Variants in NBEA observed in about 807,000 individuals in gnomAD.
NBEA encodes the protein neurobeachin, also known as lysosomal-trafficking regulator 2.
Under a neutral mutation model 343.4 loss-of-function variants are expected in NBEA, and 44 were observed. That is an observed-to-expected ratio of 0.13 (90% confidence interval 0.10 to 0.16). The LOEUF is 0.16. Ranked by LOEUF, NBEA falls within the 10% of genes least tolerant of loss-of-function variation. The pLI is 1.00. For synonymous variants in NBEA, 1,175 were observed against 1,238.7 expected (o/e 0.95, Z 1.08); for missense variants, 2,555 against 3,631.3 (o/e 0.70, Z 7.62).
chr13:35,118,536 A>G (rs2066622400), intron 16 of NBEA, 62 bp downstream of exon 16: 1 of 1,188,942 alleles, frequency 8.4e-7, no homozygotes, highest in African/African-American at 1.5e-5. Flanking sequence ...TCCTCCTAGA[A>G]TAACTGCTAT....
chr13:35,611,343 T>C (rs1184916903), intron 48 of NBEA, among the ~76,000 whole-genome samples: 1 of 152,208 alleles, frequency 6.6e-6, no homozygotes, highest in African/African-American at 2.4e-5. Flanking sequence ...TATTATGAAG[T>C]ACTAGTTAGC....
At chr13:35,527,145 C>T (rs2078016793) in intron 41 of NBEA, among the ~76,000 whole-genome samples, 1 of 152,112 alleles carries the variant, frequency 6.6e-6, no homozygotes, top group Admixed American at 6.5e-5. Context: ...CAGCCCTTAG[C>T]AGAGAGGAGA....
intron 17 of NBEA, among the ~76,000 whole-genome samples, chr13:35,123,947 TATGCTTAC>T (rs1459995652): frequency 6.6e-6 from 1 of 152,112 alleles, no homozygotes; most frequent in African/African-American, 2.4e-5. Flanking sequence ...GAGTTGATCT[TATGCTTAC>T]ATGCTGAGTC....
At chr13:35,546,767 C>A (rs1175354911) in intron 41 of NBEA, among the ~76,000 whole-genome samples, 1 of 151,992 alleles carries the variant, frequency 6.6e-6, no homozygotes, top group South Asian at 2.1e-4. Context: ...ATTGGCCAGG[C>A]TGGTCTCGAA....
chr13:34,996,575 A>G (rs1422764651), intron 1 of NBEA, among the ~76,000 whole-genome samples: 4 of 152,126 alleles, frequency 2.6e-5, no homozygotes, highest in South Asian at 4.1e-4. Flanking sequence ...TTTTACATCT[A>G]TCTATTGAGT....
intron 37 of NBEA, among the ~76,000 whole-genome samples, chr13:35,349,988 A>G (rs2152863722): frequency 6.6e-6 from 1 of 152,220 alleles, no homozygotes; most frequent in Middle Eastern, 3.4e-3. Context: ...ACAAGCAGCC[A>G]CTTGTCTTGT....
intron 1 of NBEA, among the ~76,000 whole-genome samples, chr13:35,001,474 G>A (rs926610102): frequency 1.3e-5 from 2 of 152,076 alleles, no homozygotes; most frequent in Non-Finnish European, 2.9e-5. Flanking sequence ...TGTGCACAAT[G>A]GAATACTATT....
intron 53 of NBEA, 68 bp from the exon 54 acceptor site, chr13:35,654,787 C>T (rs1220545111): frequency 1.5e-6 from 2 of 1,301,250 alleles, no homozygotes; most frequent in Non-Finnish European, 1.0e-6. Context: ...TATTGTTTTC[C>T]TTCTTTGAGT....
At chr13:35,390,515 A>T (rs1219140334) in intron 38 of NBEA, among the ~76,000 whole-genome samples, 1 of 152,224 alleles carries the variant, frequency 6.6e-6, no homozygotes, top group Non-Finnish European at 1.5e-5. Context: ...ATGCCTGCAG[A>T]GAAAAGGCAC....
chr13:34,987,414 G>T (rs2060590280), intron 1 of NBEA, among the ~76,000 whole-genome samples: 1 of 150,746 alleles, frequency 6.6e-6, no homozygotes, highest in African/African-American at 2.4e-5. Context: ...TTTCTCTCTG[G>T]CTGCCCTTAA....
At chr13:35,103,793 A>G (rs1404565551) in intron 11 of NBEA, among the ~76,000 whole-genome samples, 1 of 151,820 alleles carries the variant, frequency 6.6e-6, no homozygotes, top group African/African-American at 2.4e-5. Context: ...TCTAGATCCA[A>G]ACTCAGGAAA....
intron 36 of NBEA, among the ~76,000 whole-genome samples, chr13:35,320,711 C>A (rs2038076091): frequency 6.6e-6 from 1 of 152,156 alleles, no homozygotes. Context: ...GTTCCGTTTT[C>A]CCCATCACTT....
At chr13:35,600,163 T>C (rs1292857484) in intron 47 of NBEA, among the ~76,000 whole-genome samples, 8 of 152,180 alleles carry the variant, frequency 5.3e-5, no homozygotes, top group Non-Finnish European at 5.9e-5. Flanking sequence ...TAAAATAAGA[T>C]AAGCCATTGG....
chr13:35,393,378 T>G (rs1311519910), intron 38 of NBEA, among the ~76,000 whole-genome samples: 2 of 152,170 alleles, frequency 1.3e-5, no homozygotes. Context: ...AAAATTAGGA[T>G]AATTCTATGG....
At chr13:35,593,064 A>G (rs1480842985) in intron 46 of NBEA, 1 of 335,316 alleles carries the variant, frequency 3.0e-6, no homozygotes, top group African/African-American at 2.1e-5. Flanking sequence ...TTATCAGAAA[A>G]TCGTAGAGCA....
chr13:35,568,928 T>C (rs1028599590), intron 45 of NBEA, among the ~76,000 whole-genome samples: 1 of 152,184 alleles, frequency 6.6e-6, no homozygotes, highest in African/African-American at 2.4e-5. Flanking sequence ...CTGTGGAGCT[T>C]TAGACAAGAG....
intron 34 of NBEA, 69 bp from the exon 35 acceptor site, chr13:35,290,320 A>G: frequency 1.0e-6 from 1 of 970,724 alleles, no homozygotes. Flanking sequence ...AAATTATATA[A>G]TGAATTAACT....
intron 40 of NBEA, among the ~76,000 whole-genome samples, chr13:35,453,091 T>A (rs185708305): frequency 6.6e-6 from 1 of 152,352 alleles, no homozygotes; most frequent in African/African-American, 2.4e-5. Flanking sequence ...TTTATAATTC[T>A]TGATACAACA....
chr13:35,386,523 A>G (rs1229520238), intron 38 of NBEA, among the ~76,000 whole-genome samples: 1 of 152,168 alleles, frequency 6.6e-6, no homozygotes, highest in Non-Finnish European at 1.5e-5. Flanking sequence ...TTAATTCTAA[A>G]TATTTACAAT....
Sources: allele counts gnomAD v4.1 joint callset (sites outside exome capture counted in the v4.1 genomes callset), GRCh38; gene constraint gnomAD v4.1.1; transcripts MANE v1.5; gene names NCBI Gene and HGNC (gene_info 2026-07-23, HGNC 2026-07-21).